PXDN: variants seen among roughly 807,000 people sequenced by gnomAD.
PXDN encodes peroxidasin homolog.
Under a neutral mutation model 140.3 loss-of-function variants are expected in PXDN, and 77 were observed. That is an observed-to-expected ratio of 0.55 (90% confidence interval 0.46 to 0.66). The LOEUF is 0.66. Ranked by LOEUF, PXDN falls within the 30% of genes least tolerant of loss-of-function variation. PXDN has a pLI of 0.00. For missense variants in PXDN, 1,838 were observed against 2,039.5 expected (o/e 0.90, Z 1.90); for synonymous variants, 911 against 857.4 (o/e 1.06, Z -1.09).
chr2:1,711,139 ACTCTCCACCAGCACCCG>A (rs1684763114), intron 1 of PXDN, among the ~76,000 whole-genome samples: 1 of 25,046 alleles, frequency 4.0e-5, no homozygotes, highest in Non-Finnish European at 7.0e-5. Context: ...ACCAGCACCC[ACTCTCCACCAGCACCCG>A]CTCCACCAGC....
At chr2:1,683,384 C>G (rs1683961522) in intron 6 of PXDN, among the ~76,000 whole-genome samples, 1 of 89,448 alleles carries the variant, frequency 1.1e-5, no homozygotes, top group Middle Eastern at 5.0e-3. Flanking sequence ...CCACTGCACT[C>G]CAGCCTGGGC....
At chr2:1,719,837 TGTGTGTGTG>T (rs1558525411) in intron 1 of PXDN, among the ~76,000 whole-genome samples, 9 of 38,908 alleles carry the variant, frequency 2.3e-4, no homozygotes, top group African/African-American at 4.6e-4. Flanking sequence ...GCGTGCATTG[TGTGTGTGTG>T]TGTGTGTGTG....
At chr2:1,653,021 G>A (rs539958480) in intron 16 of PXDN, 4 of 178,338 alleles carry the variant, frequency 2.2e-5, no homozygotes, top group Non-Finnish European at 4.8e-5. Flanking sequence ...ACATGAGAAA[G>A]TCAGGGTCTT....
chr2:1,741,578 A>C (rs529297984), intron 1 of PXDN, among the ~76,000 whole-genome samples: 59 of 152,252 alleles, frequency 3.9e-4, no homozygotes, highest in Non-Finnish European at 8.1e-4. Flanking sequence ...AGACCCGCTT[A>C]AACACACTCC....
intron 1 of PXDN, among the ~76,000 whole-genome samples, chr2:1,708,114 GGGAGCTGGTGTTTGTTTT>G (rs1168604646): frequency 1.3e-5 from 2 of 152,184 alleles, no homozygotes; most frequent in African/African-American, 4.8e-5. Context: ...AAGTAAACCC[GGGAGCTGGTGTTTGTTTT>G]GGAGCTGGCC....
intron 1 of PXDN, among the ~76,000 whole-genome samples, chr2:1,711,421 C>A (rs1684773883): frequency 7.7e-6 from 1 of 129,600 alleles, no homozygotes; most frequent in African/African-American, 3.1e-5. Flanking sequence ...CCACCAGCAC[C>A]CACTCTCCAC....
chr2:1,677,068 AC>A, intron 7 of PXDN, 24 bp from the exon 8 acceptor site: 1 of 1,550,008 alleles, frequency 6.5e-7, no homozygotes, highest in African/African-American at 1.4e-5. Flanking sequence ...GAAAATGGAA[AC>A]CTTTTTAGTC....
chr2:1,686,877 A>G (rs1402172226), intron 4 of PXDN, among the ~76,000 whole-genome samples: 1 of 152,226 alleles, frequency 6.6e-6, no homozygotes, highest in East Asian at 1.9e-4. Flanking sequence ...TGGCAGGAGG[A>G]CGTCACGCTG....
At chr2:1,677,169 A>G (rs911942957) in intron 7 of PXDN, 125 bp from the exon 8 acceptor site, 1 of 838,926 alleles carries the variant, frequency 1.2e-6, no homozygotes, top group Non-Finnish European at 1.8e-6. Flanking sequence ...TAATTCAGCC[A>G]CAAACATCCC....
In PXDN at chr2:1,685,271, G is replaced by A. The variant is rs112527246; in HGVS notation, c.417-1120C>T. The stretch of plus-strand genomic sequence containing the variant: ...GGGACAGGTCTGTGCTCAGCACTCC[G>A]CGCACGAATGGGAAACGTGAGGGAA... On this transcript the variant is annotated intron_variant, in intron 4 of 22. Coordinates refer to ENST00000252804, the MANE Select transcript of PXDN (RefSeq NM_012293.3). This position sits in a 1 kb window ranked among gnomAD's most constrained non-coding sequence, Gnocchi z 5.1. Among the ~76,000 whole-genome samples the A allele has an allele frequency of 9.4e-4, 143 of 152,344 alleles. 1 individual carries two copies. The highest frequency in any genetic ancestry group is 7.7e-3 in the South Asian group (37 of 4,830).
At position 1,639,329 on chromosome 2, in the gene PXDN, T is replaced by C. The variant is rs1682658144; in HGVS notation, c.4046A>G (p.Lys1349Arg). 6.2e-7 allele frequency: 1 copy of C among 1,613,828 alleles called. No homozygotes were observed. Among genetic ancestry groups the C allele is most frequent in the Non-Finnish European group, 8.5e-7 (1 of 1,179,858 alleles). ...EFSYQEDKPT[K>R]KTRPRKIPSV... The stretch of plus-strand genomic sequence containing the variant: ...GGGTATTTTCCGTGGTCTTGTTTTC[T>C]TGGTCGGCTTGTCCTCCTGGTAGCT... The change falls in exon 20 of 23, where the codon AAG becomes AGG. Residue 1349 changes from lysine to arginine, a missense_variant. Lys to Arg is a conservative substitution (Grantham distance 26). Transcript: ENST00000252804. The surrounding 1 kb of genome is among the most constrained non-coding windows in gnomAD (Gnocchi z 5.0).
intron 14 of PXDN, among the ~76,000 whole-genome samples, chr2:1,658,045 T>C (rs1165264780): frequency 8.8e-6 from 1 of 113,292 alleles, no homozygotes; most frequent in East Asian, 2.6e-4. Context: ...TCTCTCTCTC[T>C]CTCTCTCTCT....
Position 1,639,056 on chromosome 2 carries a change from GT to G in PXDN, c.4074-79del. ...CGGGTCTCATTTCAAGGTTTCCTGG[GT>G]GTGCACCGCCCCTGATGCTCTGAGC... On this transcript the variant is annotated intron_variant, in intron 20 of 22. Coordinates refer to ENST00000252804, the MANE Select transcript of PXDN (RefSeq NM_012293.3). This position sits in a 1 kb window ranked among gnomAD's most constrained non-coding sequence, Gnocchi z 5.0. The G allele has an allele frequency of 1.1e-5, 4 of 373,104 alleles. No homozygotes were observed. Among genetic ancestry groups the G allele is most frequent in the Non-Finnish European group, 1.3e-5 (4 of 310,584 alleles). 23.1% of individuals were successfully genotyped at this position (373,104 alleles called of 1,614,324 possible).
intron 9 of PXDN, 108 bp from the exon 10 acceptor site, chr2:1,666,594 CA>C: frequency 1.5e-6 from 2 of 1,296,726 alleles, no homozygotes; most frequent in Non-Finnish European, 2.1e-6. Flanking sequence ...CCGAAATAGG[CA>C]AAACAAACAC....
Position 1,635,474 on chromosome 2 carries a change from G to C in PXDN, c.4254C>G (p.Ala1418=). ...SRLSTTECVD[A]GGESHANNTK... is the part of the protein sequence containing the mutation. Reference sequence around the variant, plus strand: ...TGTTGTTGGCGTGAGATTCGCCCCCGGCATCCACGCACTCTGTGGTACTGA... The same window carrying C: ...TGTTGTTGGCGTGAGATTCGCCCCCCGCATCCACGCACTCTGTGGTACTGA... Residue 1418 remains alanine, a synonymous_variant, in exon 22 of 23, where the codon GCC becomes GCG. Coordinates refer to ENST00000252804, the MANE Select transcript of PXDN (RefSeq NM_012293.3). 2 of 1,601,620 alleles carry C rather than the reference G, an allele frequency of 1.2e-6. No individual in the cohort carries two copies. The highest frequency in any genetic ancestry group is 1.7e-6 in the Non-Finnish European group (2 of 1,173,530).
At chr2:1,722,644 T>C (rs1685079795) in intron 1 of PXDN, among the ~76,000 whole-genome samples, 2 of 152,254 alleles carry the variant, frequency 1.3e-5, no homozygotes, top group Admixed American at 1.3e-4. Context: ...ATCAGTGCAT[T>C]CTGAACTTAG....
chr2:1,679,213 ATG>A (rs1214708794), intron 7 of PXDN, among the ~76,000 whole-genome samples: 6 of 132,310 alleles, frequency 4.5e-5, no homozygotes, highest in East Asian at 2.4e-4. Context: ...TTGTGTCTGC[ATG>A]TGTGTGTCTA....
chr2:1,676,797 C>T, intron 8 of PXDN, 130 bp downstream of exon 8: 1 of 884,298 alleles, frequency 1.1e-6, no homozygotes, highest in Non-Finnish European at 1.8e-6. Context: ...AATAGTTTCT[C>T]CTTTGTACTT....
intron 19 of PXDN, among the ~76,000 whole-genome samples, chr2:1,641,557 C>T (rs902059642): frequency 6.6e-6 from 1 of 152,174 alleles, no homozygotes; most frequent in Admixed American, 6.5e-5. Flanking sequence ...TTAGATATGG[C>T]TTTTGGGGTA....
Sources: allele counts gnomAD v4.1 joint callset (sites outside exome capture counted in the v4.1 genomes callset), GRCh38; gene constraint gnomAD v4.1.1; non-coding constraint Gnocchi (gnomAD v3.1); transcripts MANE v1.5; gene names NCBI Gene and HGNC (gene_info 2026-07-23, HGNC 2026-07-21).